Variants in HEATR5A observed in about 807,000 individuals in gnomAD.
The protein encoded by HEATR5A is HEAT repeat-containing protein 5A.
Under a neutral mutation model 218.8 loss-of-function variants are expected in HEATR5A, and 178 were observed. That is an observed-to-expected ratio of 0.81 (90% confidence interval 0.72 to 0.92). HEATR5A has a LOEUF of 0.92. Among genes scored for constraint, HEATR5A ranks in the 40% least tolerant of loss-of-function variants. The pLI is 0.00. For synonymous variants in HEATR5A, 864 were observed against 871.6 expected (o/e 0.99, Z 0.15); for missense variants, 2,420 against 2,418.9 (o/e 1.00, Z -0.01).
chr14:31,410,022 G>A (rs2031219619), intron 1 of HEATR5A, among the ~76,000 whole-genome samples: 1 of 152,114 alleles, frequency 6.6e-6, no homozygotes. Context: ...TAATCAAAGA[G>A]GACATTGGAC....
chr14:31,320,201 A>C (rs1436878482), intron 25 of HEATR5A: 3 of 621,120 alleles, frequency 4.8e-6, no homozygotes, highest in Non-Finnish European at 3.0e-6. Context: ...CTGCAGGGAC[A>C]GGCAGGTGAC....
Position 31,343,939 on chromosome 14 carries a change from G to A in HEATR5A, c.3185C>T (p.Ala1062Val). 6.2e-7 allele frequency: 1 copy of A among 1,611,382 alleles called. No individual in the cohort carries two copies. The highest frequency in any genetic ancestry group is 8.5e-7 in the Non-Finnish European group (1 of 1,178,962). The change falls in exon 21 of 36, where the codon GCT (alanine) becomes GTT (valine). Residue 1062 changes from alanine (A) to valine (V), a missense_variant. Physicochemically the swap from Ala to Val is moderately conservative, Grantham distance 64 (BLOSUM62 0). Transcript: ENST00000543095. ...ISCLQQLHMFAPRHVNLSSLV... is the reference protein window; with the variant it reads ...ISCLQQLHMFVPRHVNLSSLV... Reference sequence around the variant, plus strand: ...GCTAGACAAGTTGACATGTCGTGGAGCAAACATATGAAGCTGCTGAAGGCA... The same window carrying A: ...GCTAGACAAGTTGACATGTCGTGGAACAAACATATGAAGCTGCTGAAGGCA...
chr14:31,302,964 A>G (rs867211826), intron 32 of HEATR5A, among the ~76,000 whole-genome samples: 24 of 139,134 alleles, frequency 1.7e-4, no homozygotes, highest in Middle Eastern at 3.8e-3. Context: ...AAAAAAAAAA[A>G]TGGCTGGGAT....
chr14:31,320,162 C>T, intron 25 of HEATR5A: 1 of 512,726 alleles, frequency 2.0e-6, no homozygotes, highest in Non-Finnish European at 3.7e-6. Flanking sequence ...TTAGCACACC[C>T]CAGCACCAGG....
At chr14:31,325,320 C>T (rs1015198028) in intron 23 of HEATR5A, among the ~76,000 whole-genome samples, 4 of 152,068 alleles carry the variant, frequency 2.6e-5, no homozygotes, top group African/African-American at 9.6e-5. Context: ...TCTTGTATTA[C>T]TAAAGACATT....
intron 21 of HEATR5A, among the ~76,000 whole-genome samples, chr14:31,343,277 G>T (rs1361769648): frequency 6.6e-6 from 1 of 152,078 alleles, no homozygotes; most frequent in East Asian, 1.9e-4. Flanking sequence ...ATTTTTAGTA[G>T]AGACGGGGTT....
intron 30 of HEATR5A, 129 bp downstream of exon 30, chr14:31,307,764 G>C: frequency 2.1e-6 from 2 of 941,176 alleles, no homozygotes; most frequent in Non-Finnish European, 3.2e-6. Context: ...CCAAGGCCTA[G>C]CTGTGAGGCT....
chr14:31,391,330 G>T (rs12588420), intron 6 of HEATR5A, among the ~76,000 whole-genome samples: 1 of 151,830 alleles, frequency 6.6e-6, no homozygotes, highest in South Asian at 2.1e-4. Context: ...AGACAGATGA[G>T]GTTTCCCCAT....
chr14:31,359,010 G>T lies in HEATR5A; in HGVS notation c.2119C>A (p.Pro707Thr). ...LRELAADLTA[P>T]DIQVAASTFL... is the part of the protein sequence containing the mutation. Reference sequence around the variant, plus strand: ...GTAGATGCTGCCACCTGAATATCAGGGGCAGTCAAGTCAGCAGCCAGCTCT... The same window carrying T: ...GTAGATGCTGCCACCTGAATATCAGTGGCAGTCAAGTCAGCAGCCAGCTCT... The change falls in exon 15 of 36, where the codon CCT (proline) becomes ACT (threonine). Residue 707 changes from proline to threonine, a missense_variant. By Grantham distance (38) the Pro-to-Thr change is conservative. Transcript: ENST00000543095. The T allele has an allele frequency of 6.3e-7, 1 of 1,587,482 alleles. No individual in the cohort carries two copies. Among genetic ancestry groups the T allele is most frequent in the Non-Finnish European group, 8.5e-7 (1 of 1,173,902 alleles).
intron 21 of HEATR5A, among the ~76,000 whole-genome samples, chr14:31,340,673 G>A (rs931830188): frequency 5.3e-5 from 8 of 152,208 alleles, no homozygotes; most frequent in South Asian, 2.1e-4. Flanking sequence ...TTTGAAAATA[G>A]TCAACTCAAG....
intron 22 of HEATR5A, among the ~76,000 whole-genome samples, chr14:31,332,495 T>C (rs1349753889): frequency 6.6e-6 from 1 of 152,128 alleles, no homozygotes; most frequent in African/African-American, 2.4e-5. Flanking sequence ...AATCAAGAGC[T>C]GGAAATGATT....
At position 31,293,785 on chromosome 14, in the gene HEATR5A, T is replaced by C. The variant is rs910576938; in HGVS notation, c.5833+106A>G. The C allele has an allele frequency of 2.6e-5, 28 of 1,075,926 alleles. No homozygotes were observed. In the Admixed American group the frequency reaches 5.9e-4, roughly 23 times the overall value. The allele number at this position is 1,075,926 out of a possible 1,614,324, so 66.6% of individuals were successfully genotyped here. Reference sequence around the variant, plus strand: ...TTGGGATTAACATAACACCTTTCAATGAATGTGAAATACAGATATAATGTG... The same window carrying C: ...TTGGGATTAACATAACACCTTTCAACGAATGTGAAATACAGATATAATGTG... On this transcript the variant is annotated intron_variant, in intron 35 of 35. Transcript: ENST00000543095.
At chr14:31,381,560 A>G (rs1407298765) in intron 10 of HEATR5A, among the ~76,000 whole-genome samples, 92 of 4,258 alleles carry the variant, frequency 0.022, no homozygotes, top group East Asian at 0.043. Context: ...TCTCCTTGGA[A>G]AAAAAAAAAA....
intron 22 of HEATR5A, 121 bp downstream of exon 22, chr14:31,337,351 ATTCT>A (rs1281972857): frequency 4.0e-6 from 3 of 758,160 alleles, no homozygotes; most frequent in African/African-American, 3.5e-5. Flanking sequence ...ACTGTTAGCA[ATTCT>A]TTCTTGTAGC....
At chr14:31,409,260 C>A (rs1216684114) in intron 1 of HEATR5A, among the ~76,000 whole-genome samples, 3 of 150,156 alleles carry the variant, frequency 2.0e-5, no homozygotes, top group Admixed American at 6.6e-5. Flanking sequence ...ATTGGTCAGG[C>A]TGGTCTTGAA....
At chr14:31,379,798 A>C (rs76252538) in intron 11 of HEATR5A, among the ~76,000 whole-genome samples, 5 of 152,012 alleles carry the variant, frequency 3.3e-5, no homozygotes, top group Non-Finnish European at 7.4e-5. Flanking sequence ...TACAAAAAAA[A>C]TTTTTTTAAA....
chr14:31,329,081 C>T (rs148459104), intron 22 of HEATR5A, among the ~76,000 whole-genome samples: 1,984 of 152,036 alleles, frequency 0.013, 53 homozygotes, highest in African/African-American at 0.045. Flanking sequence ...CTCACTATCA[C>T]GAGAACAGCA....
rs976041367 is a variant in HEATR5A, at chr14:31,400,902, C to T, written c.127-390G>A. ...TCGCCCAGGCTGGAGTGCAGTGGCC[C>T]GATCTCCGGTCACTGCAAGCTCCGC... On this transcript the variant is annotated intron_variant, in intron 2 of 35. Coordinates refer to ENST00000543095, the MANE Select transcript of HEATR5A (RefSeq NM_015473.4). Among the ~76,000 whole-genome samples the T allele has an allele frequency of 2.0e-5, 3 of 151,258 alleles. No individual in the cohort carries two copies. The East Asian group carries it at 5.8e-4, about 29-fold the overall frequency.
chr14:31,393,487 G>T (rs576843676), intron 6 of HEATR5A, among the ~76,000 whole-genome samples: 2 of 152,180 alleles, frequency 1.3e-5, no homozygotes, highest in Non-Finnish European at 2.9e-5. Flanking sequence ...CTCCAGACTG[G>T]GTGACAGCAG....
Sources: gnomAD v4.1 joint callset for allele counts (sites outside exome capture counted in the v4.1 genomes callset) on GRCh38, gnomAD v4.1.1 for gene constraint, MANE v1.5 for transcripts, NCBI Gene and HGNC (gene_info 2026-07-23, HGNC 2026-07-21) for gene names.